Variants in TRAK1 observed in about 807,000 individuals in gnomAD.
The protein encoded by TRAK1 is trafficking kinesin-binding protein 1.
TRAK1 carries 33 observed loss-of-function variants against 92.1 expected under a neutral mutation model. The observed-to-expected ratio is 0.36, with a 90% CI of 0.27 to 0.48. TRAK1 has a LOEUF of 0.48. Ranked by LOEUF, TRAK1 falls within the 20% of genes least tolerant of loss-of-function variation. The pLI, the probability that TRAK1 is intolerant of heterozygous loss-of-function variation, is 0.99. For synonymous variants in TRAK1, 521 were observed against 517.3 expected, an observed-to-expected ratio of 1.01 and a Z score of -0.10; for missense variants, 1,123 against 1,257.9, an observed-to-expected ratio of 0.89 and a Z score of 1.62.
chr3:42,219,500 A>G lies in TRAK1; in HGVS notation c.1970A>G (p.His657Arg), dbSNP rs1710102498. The G allele has an allele frequency of 1.2e-6, 2 of 1,614,008 alleles. No individual in the cohort carries two copies. The highest frequency in any genetic ancestry group is 1.7e-6 in the Non-Finnish European group (2 of 1,179,978). Residue 657 changes from histidine to arginine, a missense_variant, in exon 15 of 16, where the codon CAT becomes CGT. His to Arg is a conservative substitution (Grantham distance 29). Transcript: ENST00000327628. ...TTTGTTCCTCCCAATTTAGCGCACCATCCTGGGAAGTGCATGTCTCAGACC... is the reference window on the plus strand; with the variant it reads ...TTTGTTCCTCCCAATTTAGCGCACCGTCCTGGGAAGTGCATGTCTCAGACC... ...PVQHPETSAH[H>R]PGKCMSQTNS...
chr3:42,206,316 A>G (rs1708325566), intron 13 of TRAK1, among the ~76,000 whole-genome samples: 1 of 152,198 alleles, frequency 6.6e-6, no homozygotes, highest in Admixed American at 6.5e-5. Flanking sequence ...CATGAGCCCC[A>G]TAGCATGACA....
chr3:42,183,710 A>G (rs1704372576), intron 3 of TRAK1, among the ~76,000 whole-genome samples: 1 of 152,146 alleles, frequency 6.6e-6, no homozygotes, highest in Non-Finnish European at 1.5e-5. Flanking sequence ...CCCAAACGAC[A>G]TGTTTCCATT....
At chr3:42,210,086 G>A (rs1559392281) in intron 14 of TRAK1, 101 bp downstream of exon 14, 9 of 587,812 alleles carry the variant, frequency 1.5e-5, no homozygotes, top group Non-Finnish European at 2.2e-5. Context: ...CAGCGGCCAC[G>A]GAGGAGGAGG....
At chr3:42,196,683 A>G (rs1706694854) in intron 10 of TRAK1, among the ~76,000 whole-genome samples, 1 of 148,784 alleles carries the variant, frequency 6.7e-6, no homozygotes, top group African/African-American at 2.5e-5. Flanking sequence ...GACTACAGGC[A>G]TGTGCCACCA....
At chr3:42,211,309 A>G (rs1053837596) in intron 14 of TRAK1, 92 of 985,272 alleles carry the variant, frequency 9.3e-5, no homozygotes, top group Non-Finnish European at 1.1e-4. Flanking sequence ...CTTGACATTA[A>G]TTTTAGAGAA....
intron 1 of TRAK1, among the ~76,000 whole-genome samples, chr3:42,073,878 C>A (rs543113176): frequency 3.9e-5 from 6 of 152,138 alleles, no homozygotes; most frequent in Non-Finnish European, 7.4e-5. Context: ...GTCAGCTGCC[C>A]CCAACCCAAC....
chr3:42,049,219 T>G (rs1702886030), intron 1 of TRAK1, among the ~76,000 whole-genome samples: 1 of 152,220 alleles, frequency 6.6e-6, no homozygotes, highest in African/African-American at 2.4e-5. Context: ...CTGGTTGAAA[T>G]GGATATGGAA....
rs377557230 is a variant in TRAK1 at position 42,224,024 on chromosome 3, G to A, written c.*287G>A. The A allele has an allele frequency of 1.1e-4, 62 of 585,932 alleles. No individual in the cohort carries two copies. Among genetic ancestry groups the A allele is most frequent in the African/African-American group, 9.9e-4 (54 of 54,700 alleles). The allele number at this position is 585,932 out of a possible 1,614,324, so 36.3% of individuals were successfully genotyped here. A position where few individuals can be genotyped will look rare whatever the true frequency, so the allele number is the denominator to read the frequency against. On this transcript the variant is annotated 3_prime_UTR_variant, in exon 16 of 16. Coordinates refer to ENST00000327628, the MANE Select transcript of TRAK1 (RefSeq NM_001042646.3). ...ACGAGGACGTCACCTGTGCTAACCT[G>A]GGGGAAGGTGGGGTCCTTTCTTCTT...
intron 6 of TRAK1, among the ~76,000 whole-genome samples, chr3:42,191,258 G>A (rs1235730144): frequency 6.6e-6 from 1 of 152,182 alleles, no homozygotes; most frequent in Non-Finnish European, 1.5e-5. Context: ...TACAATGATA[G>A]GATGGTGGTG....
At chr3:42,027,096 A>T (rs1210718446) in intron 1 of TRAK1, among the ~76,000 whole-genome samples, 1 of 152,216 alleles carries the variant, frequency 6.6e-6, no homozygotes, top group Non-Finnish European at 1.5e-5. Context: ...TGATATATTT[A>T]CACTAATTTT....
intron 1 of TRAK1, among the ~76,000 whole-genome samples, chr3:42,101,050 C>T (rs537299333): frequency 6.6e-6 from 1 of 152,344 alleles, no homozygotes; most frequent in East Asian, 1.9e-4. Flanking sequence ...CTAGTGGTTC[C>T]TACAACATTT....
chr3:42,142,832 ACT>A lies in TRAK1; in HGVS notation c.286+17221_286+17222del, dbSNP rs572226130. Reference sequence around the variant, plus strand: ...ACCTTGTCTCTTCTAACCGTTATTAACTCTGTACTCTTTTGGATATTCAAATT... The same window carrying A: ...ACCTTGTCTCTTCTAACCGTTATTAACTGTACTCTTTTGGATATTCAAATT... On this transcript the variant is annotated intron_variant, in intron 2 of 15. Coordinates refer to ENST00000327628, the MANE Select transcript of TRAK1 (RefSeq NM_001042646.3). 8.3e-4 allele frequency among the ~76,000 whole-genome samples: 126 copies of A among 152,120 alleles called. 3 individuals carry two copies. The highest frequency in any genetic ancestry group is 2.8e-3 in the African/African-American group (115 of 41,492).
intron 1 of TRAK1, among the ~76,000 whole-genome samples, chr3:42,094,444 ATG>A (rs1705595018): frequency 6.6e-6 from 1 of 152,070 alleles, no homozygotes; most frequent in Admixed American, 6.6e-5. Flanking sequence ...CAGTGCAGTC[ATG>A]GTGTATTGCA....
chr3:42,126,098 C>A (rs1050091169), intron 2 of TRAK1, among the ~76,000 whole-genome samples: 2 of 151,944 alleles, frequency 1.3e-5, no homozygotes, highest in African/African-American at 4.8e-5. Flanking sequence ...TTAAGCCACC[C>A]ACCCACCTTG....
At chr3:42,021,082 A>G (rs1184744718) in intron 1 of TRAK1, among the ~76,000 whole-genome samples, 2 of 152,184 alleles carry the variant, frequency 1.3e-5, no homozygotes, top group Non-Finnish European at 2.9e-5. Flanking sequence ...ACAAACAAAA[A>G]ACCAAACCTA....
At chr3:42,160,268 C>T in intron 2 of TRAK1, 5 of 1,557,186 alleles carry the variant, frequency 3.2e-6, no homozygotes, top group Non-Finnish European at 4.3e-6. Flanking sequence ...GCCCTGGGGG[C>T]CCAGGCCTGC....
At chr3:42,173,031 A>G (rs1702762407) in intron 2 of TRAK1, among the ~76,000 whole-genome samples, 1 of 152,040 alleles carries the variant, frequency 6.6e-6, no homozygotes, top group African/African-American at 2.4e-5. Flanking sequence ...CTGTAATCCC[A>G]GCTACTTGGG....
chr3:42,149,843 T>C (rs1446525027), intron 2 of TRAK1, among the ~76,000 whole-genome samples: 1 of 152,180 alleles, frequency 6.6e-6, no homozygotes, highest in Non-Finnish European at 1.5e-5. Flanking sequence ...AGATGGTTTT[T>C]GGTGTGCTGG....
At chr3:42,166,333 G>T (rs1045013851) in intron 2 of TRAK1, among the ~76,000 whole-genome samples, 2 of 152,086 alleles carry the variant, frequency 1.3e-5, no homozygotes, top group Non-Finnish European at 2.9e-5. Context: ...AGAGTGCCAG[G>T]CTCATGGTGA....
Sources: gnomAD v4.1 joint callset for allele counts (sites outside exome capture counted in the v4.1 genomes callset) on GRCh38, gnomAD v4.1.1 for gene constraint, MANE v1.5 for transcripts, NCBI Gene and HGNC (gene_info 2026-07-23, HGNC 2026-07-21) for gene names.